PECAM1: variants seen among roughly 807,000 people sequenced by gnomAD.
PECAM1 encodes platelet and endothelial cell adhesion molecule 1, also known as platelet endothelial cell adhesion molecule.
In PECAM1, 8 loss-of-function variants were observed where a neutral mutation model predicts 13.8. The observed-to-expected ratio is 0.58, with a 90% CI of 0.34 to 1.05. The LOEUF (loss-of-function observed/expected upper bound fraction) is 1.05. PECAM1 is among the 50% of genes least tolerant of loss of function. PECAM1 has a pLI of 0.03. For missense variants in PECAM1, 304 were observed against 141.2 expected (o/e 2.15, Z -5.84); for synonymous variants, 136 against 52.6 (o/e 2.58, Z -6.86).
At chr17:64,383,028 A>G (rs1317639098) in intron 2 of PECAM1, among the ~76,000 whole-genome samples, 1 of 152,198 alleles carries the variant, frequency 6.6e-6, no homozygotes, top group East Asian at 1.9e-4. Flanking sequence ...CAACAAAGAT[A>G]GACTCCATCT....
intron 11 of PECAM1, 117 bp from the exon 12 acceptor site, chr17:64,350,550 C>T: frequency 2.5e-6 from 1 of 406,084 alleles, no homozygotes; most frequent in Non-Finnish European, 4.5e-6. Context: ...GTAGTGACAA[C>T]CAGCACTGTC....
At chr17:64,355,217 A>G (rs1306493113) in intron 8 of PECAM1, among the ~76,000 whole-genome samples, 177 bp from the exon 9 acceptor site, 3 of 152,208 alleles carry the variant, frequency 2.0e-5, no homozygotes, top group African/African-American at 7.2e-5. Flanking sequence ...GCTGGTGCAG[A>G]AATGATTGTT....
chr17:64,338,849 G>T (rs1475540986), intron 14 of PECAM1, among the ~76,000 whole-genome samples: 1 of 152,198 alleles, frequency 6.6e-6, no homozygotes, highest in African/African-American at 2.4e-5. Context: ...GTGAGCCACT[G>T]CGATCAGCCT....
intron 5 of PECAM1, among the ~76,000 whole-genome samples, chr17:64,366,831 G>C (rs2036117625): frequency 9.0e-6 from 1 of 111,574 alleles, no homozygotes; most frequent in Non-Finnish European, 1.8e-5. Flanking sequence ...TAGTGGGGTG[G>C]GGGGAGGGGG....
At chr17:64,379,880 C>T (rs1037088212) in intron 2 of PECAM1, among the ~76,000 whole-genome samples, 2 of 151,478 alleles carry the variant, frequency 1.3e-5, no homozygotes, top group Non-Finnish European at 2.9e-5. Flanking sequence ...AAAGAATCAG[C>T]TGGGCATGAT....
rs2035551830 is a variant in PECAM1, at chr17:64,345,814, G to T, written c.2107+2446C>A. Among the ~76,000 whole-genome samples, 3 of 151,858 alleles carry T rather than the reference G, an allele frequency of 2.0e-5. No homozygotes were observed. The South Asian group carries it at 6.2e-4, about 32-fold the overall frequency. ...GACTTGGAAGTGAGTTGTGCAGATT[G>T]GGCAGTACACAACCCCCGGGGGCCA... On this transcript the variant is annotated intron_variant, in intron 13 of 15. Coordinates refer to ENST00000563924, the MANE Select transcript of PECAM1 (RefSeq NM_000442.5).
chr17:64,380,416 A>G (rs2036457279), intron 2 of PECAM1, among the ~76,000 whole-genome samples: 1 of 152,078 alleles, frequency 6.6e-6, no homozygotes. Context: ...CATGACCATA[A>G]AACCAGGTGT....
intron 5 of PECAM1, among the ~76,000 whole-genome samples, chr17:64,364,898 T>C (rs1463511135): frequency 1.3e-5 from 2 of 149,608 alleles, no homozygotes; most frequent in Non-Finnish European, 3.0e-5. Context: ...AGCATTCCCT[T>C]TGAAAACTGG....
intron 4 of PECAM1, among the ~76,000 whole-genome samples, chr17:64,372,265 A>C (rs1241817209): frequency 6.6e-6 from 1 of 152,124 alleles, no homozygotes; most frequent in Non-Finnish European, 1.5e-5. Flanking sequence ...GAAAGAAAGA[A>C]AGAAAAAGTT....
At chr17:64,345,638 G>A (rs1438634260) in intron 13 of PECAM1, among the ~76,000 whole-genome samples, 5 of 151,238 alleles carry the variant, frequency 3.3e-5, no homozygotes, top group East Asian at 1.9e-4. Context: ...GCTTGAACCC[G>A]GGAAGCAGAG....
intron 5 of PECAM1, among the ~76,000 whole-genome samples, chr17:64,368,802 G>A (rs1416450267): frequency 2.0e-5 from 3 of 149,680 alleles, no homozygotes; most frequent in South Asian, 4.2e-4. Context: ...GTAGTGGGCC[G>A]AGATCGTGCC....
At position 64,323,638 on chromosome 17, in the gene PECAM1, C is replaced by A; in HGVS notation, c.*178G>T. The A allele has an allele frequency of 6.8e-7, 1 of 1,463,434 alleles. No homozygotes were observed. Among genetic ancestry groups the A allele is most frequent in the East Asian group, 2.5e-5 (1 of 40,036 alleles). The allele number at this position is 1,463,434 out of a possible 1,614,324, so 90.7% of individuals were successfully genotyped here. A position where few individuals can be genotyped will look rare whatever the true frequency, so the allele number is the denominator to read the frequency against. On this transcript the variant is annotated 3_prime_UTR_variant, in exon 16 of 16. Transcript: ENST00000563924. ...ACAGCCCCTCTGTATCTCTTTCTAC[C>A]CAACATTAACTTAGCAGGATGGATT...
chr17:64,367,550 C>CAA (rs1178085807), intron 5 of PECAM1, among the ~76,000 whole-genome samples: 5 of 97,756 alleles, frequency 5.1e-5, no homozygotes, highest in South Asian at 3.2e-4. Context: ...AACTCCATCT[C>CAA]AAAAAAAAAA....
chr17:64,369,489 A>G (rs2036190022), intron 5 of PECAM1, among the ~76,000 whole-genome samples: 1 of 152,172 alleles, frequency 6.6e-6, no homozygotes, highest in African/African-American at 2.4e-5. Context: ...GGCACGTTCA[A>G]TAACTCACCC....
chr17:64,353,086 T>A (rs898056816), intron 10 of PECAM1, among the ~76,000 whole-genome samples: 13 of 152,234 alleles, frequency 8.5e-5, no homozygotes, highest in Middle Eastern at 3.4e-3. Context: ...AGAGCAATCA[T>A]TTCTATACTT....
chr17:64,327,566 G>C (rs149711660), intron 15 of PECAM1, among the ~76,000 whole-genome samples: 1 of 152,274 alleles, frequency 6.6e-6, no homozygotes, highest in East Asian at 1.9e-4. Context: ...CTTTCTTTCT[G>C]TAAGAAGGCA....
Position 64,375,345 on chromosome 17 carries a change from G to A in PECAM1, c.397C>T (p.Pro133Ser), listed in dbSNP as rs1181824485. 2.1e-6 allele frequency: 1 copy of A among 471,402 alleles called. No homozygotes were observed. The highest frequency in any genetic ancestry group is 3.1e-5 in the East Asian group (1 of 32,012). 29.2% of individuals were successfully genotyped at this position (471,402 alleles called of 1,614,324 possible). The change falls in exon 4 of 16, where the codon CCC becomes TCC. Residue 133 changes from proline to serine, a missense_variant. Transcript: ENST00000563924. ...TCTTTCTTGTCCAGTGTCACCCTGG[G>A]ACTGGGCACTCCTACGGGGAAAGAG... is the stretch of plus-strand genomic sequence containing the variant. ...YQVLVEGVPSPRVTLDKKEAI... is the reference protein window; with the variant it reads ...YQVLVEGVPSSRVTLDKKEAI...
intron 14 of PECAM1, among the ~76,000 whole-genome samples, chr17:64,336,990 C>G (rs1437468098): frequency 1.3e-5 from 2 of 149,742 alleles, no homozygotes; most frequent in South Asian, 2.1e-4. Context: ...AAAGAGAGAG[C>G]GAGAGAGAAA....
chr17:64,369,646 C>T, intron 5 of PECAM1, 104 bp downstream of exon 5: 1 of 397,596 alleles, frequency 2.5e-6, no homozygotes, highest in Non-Finnish European at 4.4e-6. Flanking sequence ...TTCAGATAAG[C>T]AGGGGCAGGA....
Sources: gnomAD v4.1 joint callset for allele counts (sites outside exome capture counted in the v4.1 genomes callset) on GRCh38, gnomAD v4.1.1 for gene constraint, MANE v1.5 for transcripts, NCBI Gene and HGNC (gene_info 2026-07-23, HGNC 2026-07-21) for gene names.